CDC73: variants seen among roughly 807,000 people sequenced by gnomAD.
The protein encoded by CDC73 is cell division cycle 73, also known as parafibromin.
Under a neutral mutation model 83.7 loss-of-function variants are expected in CDC73, and 21 were observed. The ratio of observed to expected loss-of-function variants is 0.25; its 90% CI spans 0.18 to 0.36. The LOEUF (loss-of-function observed/expected upper bound fraction) is 0.36, where lower values mean the gene tolerates loss of function less well. Ranked by LOEUF, CDC73 falls within the 10% of genes least tolerant of loss-of-function variation. The pLI is 1.00. For synonymous variants in CDC73, 224 were observed against 212.9 expected, an observed-to-expected ratio of 1.05 and a Z score of -0.45; for missense variants, 342 against 653.3, an observed-to-expected ratio of 0.52 and a Z score of 5.19.
At chr1:193,145,416 A>C (rs377365098) in intron 7 of CDC73, among the ~76,000 whole-genome samples, 3 of 152,224 alleles carry the variant, frequency 2.0e-5, no homozygotes, top group Admixed American at 6.5e-5. Flanking sequence ...AGAAAGCACA[A>C]TAAATGTCGA....
At chr1:193,224,919 T>TG (rs539377503) in intron 13 of CDC73, among the ~76,000 whole-genome samples, 213 of 152,254 alleles carry the variant, frequency 1.4e-3, no homozygotes, top group Non-Finnish European at 2.5e-3. Flanking sequence ...CACAGGTTTT[T>TG]GGGGAACAGG....
chr1:193,149,102 A>G (rs542804104), intron 8 of CDC73, among the ~76,000 whole-genome samples: 1 of 152,192 alleles, frequency 6.6e-6, no homozygotes, highest in Non-Finnish European at 1.5e-5. Context: ...CTCTCCATCA[A>G]GTACTTAAGT....
chr1:193,154,142 C>T (rs1328914698), intron 10 of CDC73, among the ~76,000 whole-genome samples: 1 of 152,192 alleles, frequency 6.6e-6, no homozygotes, highest in Non-Finnish European at 1.5e-5. Flanking sequence ...CTAATCATTT[C>T]CCTAAGTGCG....
intron 5 of CDC73, 61 bp downstream of exon 5, chr1:193,135,650 G>C: frequency 7.4e-7 from 1 of 1,351,000 alleles, no homozygotes; most frequent in Non-Finnish European, 1.0e-6. Flanking sequence ...GGATTCTTTA[G>C]TAACAAGGAT....
chr1:193,179,018 T>TA (rs1277095831), intron 10 of CDC73: 1 of 152,186 alleles, frequency 6.6e-6, no homozygotes, highest in Non-Finnish European at 1.5e-5. Context: ...CAAACAAAAT[T>TA]ATTGTGAAAA....
intron 15 of CDC73, among the ~76,000 whole-genome samples, chr1:193,240,871 T>G (rs914799327): frequency 3.3e-5 from 5 of 152,240 alleles, no homozygotes; most frequent in Admixed American, 3.3e-4. Flanking sequence ...TTGCCTGTGC[T>G]TTTGAGGTCT....
chr1:193,186,544 G>A (rs1676811334), intron 10 of CDC73: 1 of 152,498 alleles, frequency 6.6e-6, no homozygotes, highest in South Asian at 2.1e-4. Flanking sequence ...CAGTTTTAAT[G>A]GGGTTTTAGT....
intron 10 of CDC73, among the ~76,000 whole-genome samples, chr1:193,201,651 C>A (rs1677093102): frequency 6.6e-6 from 1 of 151,864 alleles, no homozygotes; most frequent in Non-Finnish European, 1.5e-5. Context: ...CAGAAAATAC[C>A]CATTATTGGT....
At chr1:193,240,589 A>G (rs1225785662) in intron 15 of CDC73, among the ~76,000 whole-genome samples, 1 of 152,132 alleles carries the variant, frequency 6.6e-6, no homozygotes, top group Non-Finnish European at 1.5e-5. Flanking sequence ...TTTGATCTGC[A>G]CTTCCCTGAT....
Position 193,249,863 on chromosome 1 carries a change from A to G in CDC73, c.1551A>G (p.Thr517=), listed in dbSNP as rs752668844. 38 of 1,612,338 alleles carry G rather than the reference A, an allele frequency of 2.4e-5. No homozygotes were observed. The East Asian group carries it at 3.6e-4, about 15-fold the overall frequency. The change falls in exon 16 of 17, where the codon ACA becomes ACG. Residue 517 remains threonine, a synonymous_variant. Coordinates refer to ENST00000367435, the MANE Select transcript of CDC73 (RefSeq NM_024529.5). ...CAGTGTTCTTACGGTTTTGGGAAAC[A>G]TTGGACAGGTAATTCCGATTCTAAA... The part of the protein sequence containing the change: ...DRPVFLRFWE[T]LDRYMVKHKS...
In CDC73 at chr1:193,138,099, G is replaced by A. The variant is rs755468043; in HGVS notation, c.438G>A (p.Val146=). The change falls in exon 6 of 17, where the codon GTG becomes GTA. Residue 146 remains valine (V), a synonymous_variant. Coordinates refer to ENST00000367435, the MANE Select transcript of CDC73 (RefSeq NM_024529.5). ...KKPRIEDEEC[V]RLDKERLAAR... is the part of the protein sequence containing the mutation. ...GTTATTTCCAGGATGAAGAGTGTGTGCGCCTTGATAAAGAGAGATTGGCTG... is the reference window on the plus strand; with the variant it reads ...GTTATTTCCAGGATGAAGAGTGTGTACGCCTTGATAAAGAGAGATTGGCTG... The A allele has an allele frequency of 8.1e-6, 13 of 1,613,230 alleles. No individual in the cohort carries two copies. The highest frequency in any genetic ancestry group is 5.9e-6 in the Non-Finnish European group (7 of 1,179,244).
At chr1:193,239,824 T>G (rs906133971) in intron 15 of CDC73, among the ~76,000 whole-genome samples, 11 of 152,226 alleles carry the variant, frequency 7.2e-5, no homozygotes, top group Non-Finnish European at 1.5e-4. Flanking sequence ...ACTCTGCTTT[T>G]GAACATTAGA....
chr1:193,123,142 C>T (rs2103112464), intron 1 of CDC73, among the ~76,000 whole-genome samples: 1 of 152,252 alleles, frequency 6.6e-6, no homozygotes, highest in Non-Finnish European at 1.5e-5. Context: ...CCTTGAGCTA[C>T]AACTTCCCTA....
chr1:193,202,681 G>A (rs1237102620), intron 10 of CDC73, among the ~76,000 whole-genome samples: 1 of 125,958 alleles, frequency 7.9e-6, no homozygotes, highest in Non-Finnish European at 1.6e-5. Context: ...GTTGTTTCTT[G>A]TAATAAAGAA....
rs1254480887 is a variant in CDC73 at position 193,238,655 on chromosome 1, T to C, written c.1417+2299T>C. ...AAACATACATACTAATAGCCTACTG[T>C]TGACTGGATGCCTTAACTGATAACA... On this transcript the variant is annotated intron_variant, in intron 15 of 16. Transcript: ENST00000367435. 2.0e-5 allele frequency among the ~76,000 whole-genome samples: 3 copies of C among 152,238 alleles called. No individual in the cohort carries two copies. The East Asian group carries it at 5.8e-4, about 29-fold the overall frequency.
At chr1:193,142,161 A>T (rs2103126692) in intron 7 of CDC73, 95 bp downstream of exon 7, 1 of 1,047,446 alleles carries the variant, frequency 9.5e-7, no homozygotes, top group East Asian at 2.5e-5. Context: ...CTTTGCTTTT[A>T]GGTGGAAGTT....
chr1:193,250,211 T>G (rs1385494466), intron 16 of CDC73, among the ~76,000 whole-genome samples: 1 of 151,902 alleles, frequency 6.6e-6, no homozygotes, highest in African/African-American at 2.4e-5. Flanking sequence ...TTGCAAGTAC[T>G]GAAAGATCTA....
chr1:193,130,266 C>T (rs1675671951), intron 3 of CDC73, 23 bp downstream of exon 3: 8 of 1,389,424 alleles, frequency 5.8e-6, no homozygotes, highest in Non-Finnish European at 8.2e-6. Context: ...TAAATTGTTC[C>T]CAGTCTTAAA....
intron 14 of CDC73, 50 bp from the exon 15 acceptor site, chr1:193,236,206 A>G: frequency 9.1e-7 from 1 of 1,094,706 alleles, no homozygotes; most frequent in Non-Finnish European, 1.4e-6. Context: ...CAAGTTTGAA[A>G]TAATCTCCGT....
Sources: allele counts gnomAD v4.1 joint callset (sites outside exome capture counted in the v4.1 genomes callset), GRCh38; gene constraint gnomAD v4.1.1; transcripts MANE v1.5; gene names NCBI Gene and HGNC (gene_info 2026-07-23, HGNC 2026-07-21).